The following NEGR1 variants were observed in gnomAD, a reference collection of about 807,000 sequenced individuals.
The protein encoded by NEGR1 is neuronal growth regulator 1.
A neutral mutation model predicts 40.9 loss-of-function variants in NEGR1; 10 were observed. That is an observed-to-expected ratio of 0.24 (90% CI 0.15 to 0.42). The LOEUF (loss-of-function observed/expected upper bound fraction) is 0.42. NEGR1 is among the 10% of genes least tolerant of loss of function. NEGR1 has a pLI of 1.00. For synonymous variants in NEGR1, 185 were observed against 166.8 expected, an observed-to-expected ratio of 1.11 and a Z score of -0.84; for missense variants, 352 against 438.9, an observed-to-expected ratio of 0.80 and a Z score of 1.77.
At chr1:71,485,517 A>G (rs1432861673) in intron 6 of NEGR1, among the ~76,000 whole-genome samples, 1 of 151,582 alleles carries the variant, frequency 6.6e-6, no homozygotes, top group East Asian at 1.9e-4. Context: ...CAAGTGCTTA[A>G]TGATAAGTTT....
intron 6 of NEGR1, among the ~76,000 whole-genome samples, chr1:71,418,817 T>C (rs995572007): frequency 6.6e-6 from 1 of 152,180 alleles, no homozygotes; most frequent in African/African-American, 2.4e-5. Context: ...TTTTTTCATC[T>C]TTCTTTTCCT....
chr1:71,631,771 C>T (rs906609095), intron 4 of NEGR1, among the ~76,000 whole-genome samples: 7 of 151,588 alleles, frequency 4.6e-5, no homozygotes, highest in Non-Finnish European at 8.9e-5. Context: ...TATTCTTGAC[C>T]CAGGTAACAT....
chr1:71,772,538 G>T (rs1168413840), intron 3 of NEGR1, among the ~76,000 whole-genome samples: 4 of 152,094 alleles, frequency 2.6e-5, no homozygotes, highest in South Asian at 4.2e-4. Flanking sequence ...TTCTGGATTG[G>T]ATTCTGTACT....
At chr1:71,822,076 T>C (rs1658449509) in intron 2 of NEGR1, among the ~76,000 whole-genome samples, 1 of 151,932 alleles carries the variant, frequency 6.6e-6, no homozygotes, top group Admixed American at 6.6e-5. Flanking sequence ...ACTATAGACT[T>C]ATACTGTATG....
At chr1:71,861,397 G>A (rs556884466) in intron 2 of NEGR1, among the ~76,000 whole-genome samples, 1 of 151,934 alleles carries the variant, frequency 6.6e-6, no homozygotes, top group Non-Finnish European at 1.5e-5. Context: ...TTTTCCCTAG[G>A]GGTAGTTTTG....
intron 6 of NEGR1, among the ~76,000 whole-genome samples, chr1:71,579,371 C>T: frequency 6.6e-6 from 1 of 152,070 alleles, no homozygotes. Context: ...GTTATTTTAG[C>T]TCAACTTTGT....
intron 1 of NEGR1, among the ~76,000 whole-genome samples, chr1:71,954,676 A>G (rs1295708314): frequency 6.6e-6 from 1 of 152,128 alleles, no homozygotes; most frequent in Non-Finnish European, 1.5e-5. Context: ...TGGAATAATT[A>G]TCATTATTTC....
At chr1:71,994,743 C>T (rs1358708082) in intron 1 of NEGR1, among the ~76,000 whole-genome samples, 2 of 152,054 alleles carry the variant, frequency 1.3e-5, no homozygotes, top group African/African-American at 4.8e-5. Context: ...ATCATGCAAA[C>T]TTAGACTGAG....
At chr1:72,249,850 G>A (rs1655026507) in intron 1 of NEGR1, among the ~76,000 whole-genome samples, 1 of 152,082 alleles carries the variant, frequency 6.6e-6, no homozygotes, top group South Asian at 2.1e-4. Context: ...CGAATATAAA[G>A]CAACTATTAT....
intron 4 of NEGR1, among the ~76,000 whole-genome samples, chr1:71,669,655 G>A (rs924105825): frequency 6.7e-6 from 1 of 150,292 alleles, no homozygotes. Flanking sequence ...TTAATGCTAC[G>A]TAACTTTTTT....
At chr1:72,125,632 A>G (rs764310236) in intron 1 of NEGR1, among the ~76,000 whole-genome samples, 7 of 152,172 alleles carry the variant, frequency 4.6e-5, no homozygotes, top group African/African-American at 9.6e-5. Flanking sequence ...CAGAGCACAG[A>G]TAGTGTATTA....
At chr1:71,531,748 G>A (rs1486180011) in intron 6 of NEGR1, among the ~76,000 whole-genome samples, 1 of 151,290 alleles carries the variant, frequency 6.6e-6, no homozygotes, top group East Asian at 2.0e-4. Context: ...AGTTTGAGAG[G>A]TTATGAAAAA....
intron 6 of NEGR1, among the ~76,000 whole-genome samples, chr1:71,514,185 A>T (rs1263322920): frequency 4.3e-5 from 6 of 141,000 alleles, no homozygotes; most frequent in Non-Finnish European, 6.1e-5. Context: ...TTAGGTAAAC[A>T]AAGCAGCCGG....
chr1:71,545,252 T>C (rs1177075810), intron 6 of NEGR1, among the ~76,000 whole-genome samples: 2 of 151,796 alleles, frequency 1.3e-5, no homozygotes, highest in East Asian at 3.9e-4. Flanking sequence ...TGTCTGCCTT[T>C]GACCAGTCTA....
intron 1 of NEGR1, among the ~76,000 whole-genome samples, chr1:72,028,533 C>T (rs1646831146): frequency 1.3e-5 from 2 of 152,180 alleles, no homozygotes; most frequent in Admixed American, 1.3e-4. Context: ...CTCACCCCTA[C>T]CTACCTCTGC....
chr1:71,622,522 C>A (rs1650641797), intron 4 of NEGR1, among the ~76,000 whole-genome samples: 1 of 151,728 alleles, frequency 6.6e-6, no homozygotes, highest in Admixed American at 6.6e-5. Flanking sequence ...CCCTGTAAAA[C>A]ATAAGAATTT....
chr1:71,630,624 AT>A (rs1650942514), intron 4 of NEGR1, among the ~76,000 whole-genome samples: 1 of 151,570 alleles, frequency 6.6e-6, no homozygotes, highest in Admixed American at 6.6e-5. Context: ...GTATCAAATA[AT>A]TTTTTATGTG....
chr1:71,472,167 T>C (rs1646786979), intron 6 of NEGR1, among the ~76,000 whole-genome samples: 2 of 152,120 alleles, frequency 1.3e-5, no homozygotes, highest in African/African-American at 4.8e-5. Context: ...TTAAGATCTA[T>C]CATTGAGTCT....
Position 71,845,749 on chromosome 1 carries a change from A to C in NEGR1, c.410-69452T>G, listed in dbSNP as rs184931216. On this transcript the variant is annotated intron_variant, in intron 2 of 6. Coordinates refer to ENST00000357731, the MANE Select transcript of NEGR1 (RefSeq NM_173808.3). ...TATCTATCTATCTACCTACCTACCT[A>C]CCTACCTACATATCTATCTATTTAT... 4.5e-4 allele frequency among the ~76,000 whole-genome samples: 69 copies of C among 151,884 alleles called. 1 individual carries two copies. Among genetic ancestry groups the C allele is most frequent in the Admixed American group, 8.5e-4 (13 of 15,224 alleles).
Sources: gnomAD v4.1 joint callset for allele counts (sites outside exome capture counted in the v4.1 genomes callset) on GRCh38, gnomAD v4.1.1 for gene constraint, MANE v1.5 for transcripts, NCBI Gene and HGNC (gene_info 2026-07-23, HGNC 2026-07-21) for gene names.